Variants in SSBP3 observed in about 807,000 individuals in gnomAD.
SSBP3 encodes the protein single stranded DNA binding protein 3.
A neutral mutation model predicts 69.6 loss-of-function variants in SSBP3; 5 were observed. The ratio of observed to expected loss-of-function variants is 0.07; its 90% CI spans 0.04 to 0.15. SSBP3 has a LOEUF of 0.15. Among genes scored for constraint, SSBP3 ranks in the 10% least tolerant of loss-of-function variants. The pLI is 1.00. For synonymous variants in SSBP3, 196 were observed against 193.4 expected (o/e 1.01, Z -0.11); for missense variants, 312 against 534.0 (o/e 0.58, Z 4.10).
exon 18 of SSBP3, chr1:54,226,718 C>T (rs1484637906): frequency 1.1e-4 from 16 of 149,644 alleles, no homozygotes; most frequent in Admixed American, 3.7e-4. Flanking sequence ...GGGTGGGGGG[C>T]TTGCTAGAAG....
chr1:54,260,555 G>A (rs894807257), intron 5 of SSBP3, among the ~76,000 whole-genome samples: 4 of 152,274 alleles, frequency 2.6e-5, no homozygotes, highest in African/African-American at 7.2e-5. Context: ...CAGACAGCAA[G>A]GCTGGCAGGT....
chr1:54,255,158 CGGGGGGG>C lies in SSBP3; in HGVS notation c.507+1962_507+1968del, dbSNP rs34404422. Among the ~76,000 whole-genome samples, 9 of 63,416 alleles carry C rather than the reference CGGGGGGG, an allele frequency of 1.4e-4. No individual in the cohort carries two copies. In the South Asian group the frequency reaches 5.1e-3, roughly 36 times the overall value. 41.6% of individuals were successfully genotyped at this position (63,416 alleles called of 152,430 possible). A position where few individuals can be genotyped will look rare whatever the true frequency, so the allele number is the denominator to read the frequency against. On this transcript the variant is annotated intron_variant, in intron 7 of 17. Coordinates refer to ENST00000610401, the Ensembl canonical transcript of SSBP3. ...AGTGTAGATTTCTATTGCGGGGGGG[CGGGGGGG>C]GGGGTGGTTGGCAGGGAGGTTGGGA... is the stretch of plus-strand genomic sequence containing the variant.
At chr1:54,252,209 C>T (rs1644842767) in intron 7 of SSBP3, among the ~76,000 whole-genome samples, 2 of 152,222 alleles carry the variant, frequency 1.3e-5, no homozygotes, top group Non-Finnish European at 1.5e-5. Context: ...CAACCACCTT[C>T]CTCTCAGAGG....
chr1:54,257,526 A>T (rs928813626), intron 6 of SSBP3, among the ~76,000 whole-genome samples: 21 of 152,300 alleles, frequency 1.4e-4, no homozygotes, highest in Admixed American at 1.3e-3. Context: ...ATGAAAGGGT[A>T]AGAAGGACTG....
chr1:54,327,914 A>G (rs1646338435), intron 4 of SSBP3, among the ~76,000 whole-genome samples: 1 of 152,192 alleles, frequency 6.6e-6, no homozygotes, highest in Non-Finnish European at 1.5e-5. Context: ...TCCTTTAAGC[A>G]CATTTACATG....
chr1:54,345,880 G>T (rs1207991829), intron 4 of SSBP3, among the ~76,000 whole-genome samples: 2 of 151,642 alleles, frequency 1.3e-5, no homozygotes, highest in Admixed American at 1.3e-4. Flanking sequence ...GGTGGCTCAC[G>T]CCTGTAATTC....
chr1:54,401,968 A>G (rs1351180457), intron 3 of SSBP3, 23 bp from the exon 4 acceptor site: 1 of 1,603,438 alleles, frequency 6.2e-7, no homozygotes, highest in Non-Finnish European at 8.5e-7. Context: ...AAATAAAATA[A>G]GGTCAGGTTA....
At chr1:54,372,652 G>A (rs1312029061) in intron 4 of SSBP3, among the ~76,000 whole-genome samples, 4 of 148,982 alleles carry the variant, frequency 2.7e-5, no homozygotes, top group Admixed American at 1.3e-4. Context: ...TGGTGACCAC[G>A]TGACTGGAAA....
chr1:54,304,156 CAA>C (rs1201153031), intron 4 of SSBP3, among the ~76,000 whole-genome samples: 1 of 152,188 alleles, frequency 6.6e-6, no homozygotes, highest in Non-Finnish European at 1.5e-5. Flanking sequence ...GTTCTGAACA[CAA>C]CTGGGGAGCA....
chr1:54,338,654 C>A (rs1406352280), intron 4 of SSBP3, among the ~76,000 whole-genome samples: 1 of 152,206 alleles, frequency 6.6e-6, no homozygotes, highest in Non-Finnish European at 1.5e-5. Context: ...CAAGGGAGTT[C>A]TCTCTTCCCA....
intron 4 of SSBP3, among the ~76,000 whole-genome samples, chr1:54,327,217 A>AAAGG (rs55892071): frequency 0.2 from 26,075 of 133,700 alleles, 2,570 homozygotes; most frequent in Non-Finnish European, 0.22. Flanking sequence ...AAGAGAGGGA[A>AAAGG]AAGGAAGGAA....
chr1:54,309,769 ATGTCCAACTCCTT>A (rs1645965597), intron 4 of SSBP3, among the ~76,000 whole-genome samples: 1 of 152,200 alleles, frequency 6.6e-6, no homozygotes, highest in African/African-American at 2.4e-5. Context: ...CACCAAATCC[ATGTCCAACTCCTT>A]TGCCCCTTGG....
intron 14 of SSBP3, chr1:54,238,691 C>T: frequency 3.2e-6 from 1 of 312,510 alleles, no homozygotes; most frequent in South Asian, 3.3e-5. Flanking sequence ...GCAGCACAGG[C>T]AGGCGGGTCC....
intron 4 of SSBP3, among the ~76,000 whole-genome samples, chr1:54,368,618 C>G (rs1396262988): frequency 6.6e-6 from 1 of 152,188 alleles, no homozygotes; most frequent in East Asian, 1.9e-4. Context: ...AATCCATCTA[C>G]TCCACTTCTG....
intron 4 of SSBP3, among the ~76,000 whole-genome samples, chr1:54,352,650 T>G (rs976236988): frequency 2.0e-5 from 3 of 152,194 alleles, no homozygotes; most frequent in Non-Finnish European, 2.9e-5. Flanking sequence ...TTGCAGGATG[T>G]GCAGCAGGAA....
intron 4 of SSBP3, among the ~76,000 whole-genome samples, chr1:54,293,121 G>A (rs915196674): frequency 1.3e-5 from 2 of 152,090 alleles, no homozygotes; most frequent in African/African-American, 4.8e-5. Context: ...GAGCCACAAA[G>A]CTAAAGGGCA....
intron 4 of SSBP3, among the ~76,000 whole-genome samples, chr1:54,390,450 T>A (rs1023930369): frequency 2.6e-5 from 4 of 152,164 alleles, no homozygotes; most frequent in Non-Finnish European, 4.4e-5. Context: ...AAAGAAAGTA[T>A]GTGGCGACAG....
intron 5 of SSBP3, among the ~76,000 whole-genome samples, chr1:54,260,690 G>A (rs1645003136): frequency 6.6e-6 from 1 of 152,204 alleles, no homozygotes; most frequent in African/African-American, 2.4e-5. Context: ...CTGACAAGCA[G>A]TAAGGATGGA....
At chr1:54,318,431 G>A (rs1390793433) in intron 4 of SSBP3, among the ~76,000 whole-genome samples, 2 of 152,134 alleles carry the variant, frequency 1.3e-5, no homozygotes, top group Non-Finnish European at 2.9e-5. Flanking sequence ...ACCAGGGTAG[G>A]ATTAAGTTTT....
Sources: gnomAD v4.1 joint callset for allele counts (sites outside exome capture counted in the v4.1 genomes callset) on GRCh38, gnomAD v4.1.1 for gene constraint, MANE v1.5 for transcripts, NCBI Gene and HGNC (gene_info 2026-07-23, HGNC 2026-07-21) for gene names.